Variants in PBX1 observed in about 807,000 individuals in gnomAD.
PBX1 encodes the protein PBX homeobox 1.
In PBX1, 6 loss-of-function variants were observed where a neutral mutation model predicts 53.4. The ratio of observed to expected loss-of-function variants is 0.11; its 90% CI spans 0.06 to 0.22. The LOEUF is 0.22. Ranked by LOEUF, PBX1 falls within the 10% of genes least tolerant of loss-of-function variation. PBX1 has a pLI of 1.00. For synonymous variants in PBX1, 204 were observed against 212.3 expected, an observed-to-expected ratio of 0.96 and a Z score of 0.34; for missense variants, 251 against 551.4, an observed-to-expected ratio of 0.46 and a Z score of 5.46.
chr1:164,801,176 G>A (rs1376990178), intron 4 of PBX1, among the ~76,000 whole-genome samples: 3 of 152,130 alleles, frequency 2.0e-5, no homozygotes, highest in East Asian at 1.9e-4. Context: ...AAGTAAAAAC[G>A]AAGGCCGTTT....
intron 2 of PBX1, among the ~76,000 whole-genome samples, chr1:164,640,776 T>A (rs185581209): frequency 6.6e-6 from 1 of 152,076 alleles, no homozygotes; most frequent in Non-Finnish European, 1.5e-5. Flanking sequence ...CAGGCTGGTC[T>A]CCAACTCCTG....
rs1553247230 is a variant in PBX1, at chr1:164,793,863, T to TTTTCC, written c.510+1130_510+1134dup. ...TTTCCTTACCTTTCTTTTCTTTTTT[T>TTTTCC]TTTCCTTTCTTTTTTTTTTTTTTTT... On this transcript the variant is annotated intron_variant, in intron 3 of 8. Transcript: ENST00000420696. 2.2e-3 allele frequency among the ~76,000 whole-genome samples: 289 copies of TTTTCC among 129,774 alleles called. 2 individuals are homozygous for TTTTCC. The highest frequency in any genetic ancestry group is 9.3e-3 in the Middle Eastern group (2 of 214). 85.1% of individuals were successfully genotyped at this position (129,774 alleles called of 152,430 possible).
chr1:164,826,590 A>G (rs1054740431), intron 8 of PBX1, among the ~76,000 whole-genome samples: 6 of 152,020 alleles, frequency 3.9e-5, no homozygotes, highest in African/African-American at 1.5e-4. Flanking sequence ...TTTTCAGTAG[A>G]GATGGGGTTT....
At chr1:164,752,150 A>G (rs1666264577) in intron 2 of PBX1, among the ~76,000 whole-genome samples, 1 of 151,966 alleles carries the variant, frequency 6.6e-6, no homozygotes, top group African/African-American at 2.4e-5. Context: ...CTACCAAGAA[A>G]CAAACAAGCG....
At chr1:164,609,076 C>T (rs1029365869) in intron 2 of PBX1, among the ~76,000 whole-genome samples, 5 of 152,062 alleles carry the variant, frequency 3.3e-5, no homozygotes, top group Admixed American at 2.0e-4. Context: ...GACAATAAAT[C>T]CCCCTTTACT....
chr1:164,860,616 A>C (rs562388353), intron 2 of PBX1, among the ~76,000 whole-genome samples: 1 of 152,242 alleles, frequency 6.6e-6, no homozygotes, highest in South Asian at 2.1e-4. Flanking sequence ...CTCCTTCTTC[A>C]AGCAGGTGTC....
intron 2 of PBX1, among the ~76,000 whole-genome samples, chr1:164,646,402 C>T (rs1659453856): frequency 6.6e-6 from 1 of 152,146 alleles, no homozygotes; most frequent in Non-Finnish European, 1.5e-5. Flanking sequence ...TCATTGACAG[C>T]CACATACATT....
intron 2 of PBX1, among the ~76,000 whole-genome samples, chr1:164,864,154 G>C (rs1167936685): frequency 6.6e-6 from 1 of 152,132 alleles, no homozygotes; most frequent in African/African-American, 2.4e-5. Context: ...GGGGAAACTT[G>C]GAAGGGGAGG....
intron 4 of PBX1, among the ~76,000 whole-genome samples, chr1:164,805,638 C>T (rs1214615858): frequency 6.9e-6 from 1 of 144,658 alleles, no homozygotes; most frequent in Non-Finnish European, 1.5e-5. Context: ...GTTCCCCAGG[C>T]CTAAAACAAC....
At chr1:164,705,293 A>T (rs893440046) in intron 2 of PBX1, among the ~76,000 whole-genome samples, 12 of 152,212 alleles carry the variant, frequency 7.9e-5, no homozygotes, top group African/African-American at 2.9e-4. Context: ...GGGAAAATAC[A>T]TTTTACTGTA....
intron 2 of PBX1, among the ~76,000 whole-genome samples, chr1:164,782,774 G>A (rs1240174021): frequency 1.3e-5 from 2 of 152,200 alleles, no homozygotes; most frequent in African/African-American, 4.8e-5. Context: ...AGTGACAACG[G>A]CAGCGGGGTA....
At chr1:164,741,922 A>AT (rs374585916) in intron 2 of PBX1, among the ~76,000 whole-genome samples, 3,959 of 150,376 alleles carry the variant, frequency 0.026, 119 homozygotes, top group African/African-American at 0.077. Context: ...TTTAAGGTAG[A>AT]TTTTTTTTTT....
At chr1:164,876,164 A>T (rs2102460339) in intron 2 of PBX1, among the ~76,000 whole-genome samples, 1 of 152,042 alleles carries the variant, frequency 6.6e-6, no homozygotes, top group Non-Finnish European at 1.5e-5. Context: ...ATTATTATTA[A>T]GCACTTTGCA....
intron 2 of PBX1, among the ~76,000 whole-genome samples, chr1:164,668,015 G>C (rs999507361): frequency 1.3e-5 from 2 of 152,174 alleles, no homozygotes; most frequent in Non-Finnish European, 2.9e-5. Context: ...GCTATTTGCA[G>C]ATCTCTCCCT....
intron 2 of PBX1, among the ~76,000 whole-genome samples, chr1:164,576,385 C>G (rs1654238148): frequency 6.6e-6 from 1 of 152,202 alleles, no homozygotes; most frequent in Non-Finnish European, 1.5e-5. Flanking sequence ...CGCCCGGCCA[C>G]TGCCCGGTCC....
At chr1:164,875,513 A>C (rs1019588314) in intron 2 of PBX1, among the ~76,000 whole-genome samples, 3 of 152,032 alleles carry the variant, frequency 2.0e-5, no homozygotes, top group African/African-American at 7.2e-5. Flanking sequence ...TGCCTAGGCT[A>C]GTCTCGAACT....
chr1:164,837,745 G>T (rs567649551), intron 8 of PBX1, among the ~76,000 whole-genome samples: 1 of 152,282 alleles, frequency 6.6e-6, no homozygotes, highest in South Asian at 2.1e-4. Context: ...TGAAGCTTTA[G>T]CCTCTTGTAT....
intron 2 of PBX1, among the ~76,000 whole-genome samples, chr1:164,689,842 A>G (rs1210138036): frequency 6.6e-6 from 1 of 151,294 alleles, no homozygotes; most frequent in African/African-American, 2.4e-5. Flanking sequence ...CCTGCTCCCT[A>G]CACCTATCCC....
chr1:164,639,206 T>C (rs183196235), intron 2 of PBX1, among the ~76,000 whole-genome samples: 49 of 152,352 alleles, frequency 3.2e-4, no homozygotes, highest in African/African-American at 1.2e-3. Context: ...AAAGTAATTG[T>C]TGCTGTTCAC....
Sources: gnomAD v4.1 joint callset for allele counts (sites outside exome capture counted in the v4.1 genomes callset) on GRCh38, gnomAD v4.1.1 for gene constraint, MANE v1.5 for transcripts, NCBI Gene and HGNC (gene_info 2026-07-23, HGNC 2026-07-21) for gene names.